CPEB3: variants seen among roughly 807,000 people sequenced by gnomAD.
CPEB3 encodes the protein cytoplasmic polyadenylation element binding protein 3.
CPEB3 carries 20 observed loss-of-function variants against 67.2 expected under a neutral mutation model. The ratio of observed to expected loss-of-function variants is 0.30; its 90% CI spans 0.21 to 0.43. The LOEUF is 0.43. Ranked by LOEUF, CPEB3 falls within the 20% of genes least tolerant of loss-of-function variation. The pLI, the probability that CPEB3 is intolerant of heterozygous loss-of-function variation, is 1.00. For synonymous variants in CPEB3, 376 were observed against 393.1 expected (o/e 0.96, Z 0.51); for missense variants, 746 against 968.6 (o/e 0.77, Z 3.05).
chr10:92,236,986 ACT>A (rs10587336), intron 2 of CPEB3, among the ~76,000 whole-genome samples: 16,252 of 152,208 alleles, frequency 0.11, 2,885 homozygotes, highest in African/African-American at 0.37. Context: ...TATAAAATAA[ACT>A]CTGATTTAAA....
At chr10:92,081,073 T>C (rs1035285686) in intron 9 of CPEB3, among the ~76,000 whole-genome samples, 2 of 152,232 alleles carry the variant, frequency 1.3e-5, no homozygotes, top group Middle Eastern at 3.2e-3. Context: ...TAGTTTGGTA[T>C]GCTAAATTTT....
At chr10:92,134,106 C>T (rs2133746252) in intron 6 of CPEB3, among the ~76,000 whole-genome samples, 1 of 152,274 alleles carries the variant, frequency 6.6e-6, no homozygotes, top group East Asian at 1.9e-4. Context: ...AAAACTGGCA[C>T]AAGACAAGAA....
At chr10:92,156,474 A>T (rs1302521043) in intron 4 of CPEB3, among the ~76,000 whole-genome samples, 3 of 152,128 alleles carry the variant, frequency 2.0e-5, no homozygotes, top group Non-Finnish European at 4.4e-5. Context: ...AATGAGAAGG[A>T]CAAGGCCTGA....
At chr10:92,282,373 C>T (rs550807158) in intron 1 of CPEB3, among the ~76,000 whole-genome samples, 36 of 152,254 alleles carry the variant, frequency 2.4e-4, no homozygotes, top group South Asian at 6.2e-4. Context: ...CTCTCTAGAA[C>T]TAAGAAACTA....
intron 6 of CPEB3, among the ~76,000 whole-genome samples, chr10:92,116,170 T>C (rs562383452): frequency 2.6e-5 from 4 of 151,236 alleles, no homozygotes; most frequent in Non-Finnish European, 5.9e-5. Flanking sequence ...TGTGTACTTA[T>C]GTTAATATTC....
chr10:92,264,537 A>G (rs760895334), intron 1 of CPEB3, among the ~76,000 whole-genome samples: 2 of 151,944 alleles, frequency 1.3e-5, no homozygotes, highest in Non-Finnish European at 2.9e-5. Flanking sequence ...TCCTTTGGTA[A>G]TCATGTTTTT....
At chr10:92,094,346 T>C (rs1590121352) in intron 7 of CPEB3, among the ~76,000 whole-genome samples, 1 of 150,482 alleles carries the variant, frequency 6.6e-6, no homozygotes, top group East Asian at 2.1e-4. Flanking sequence ...CTCAAGCCTA[T>C]AATCCCAGCA....
At chr10:92,095,609 T>A (rs1353442256) in intron 7 of CPEB3, among the ~76,000 whole-genome samples, 8 of 146,650 alleles carry the variant, frequency 5.5e-5, no homozygotes, top group Admixed American at 2.7e-4. Flanking sequence ...TATTTTTTTT[T>A]TTTCATTGTG....
chr10:92,115,876 T>A (rs1220184936), intron 6 of CPEB3, among the ~76,000 whole-genome samples: 5 of 152,246 alleles, frequency 3.3e-5, no homozygotes, highest in Admixed American at 1.3e-4. Flanking sequence ...AATCACTCAG[T>A]GATTTGGATT....
intron 5 of CPEB3, among the ~76,000 whole-genome samples, chr10:92,143,633 CA>C (rs1846543695): frequency 6.6e-6 from 1 of 152,218 alleles, no homozygotes; most frequent in Admixed American, 6.5e-5. Flanking sequence ...TTAATAACTA[CA>C]TATTACGTAC....
chr10:92,155,067 G>A (rs1847141163), intron 4 of CPEB3, among the ~76,000 whole-genome samples: 1 of 152,076 alleles, frequency 6.6e-6, no homozygotes, highest in Admixed American at 6.5e-5. Flanking sequence ...AAATTAGCCG[G>A]GTATGGCGGT....
chr10:92,221,212 G>A (rs1850682930), intron 2 of CPEB3, among the ~76,000 whole-genome samples: 1 of 152,208 alleles, frequency 6.6e-6, no homozygotes, highest in Non-Finnish European at 1.5e-5. Flanking sequence ...AAACTTTCAG[G>A]CCAGGTGTGG....
chr10:92,147,634 AAAT>A (rs1427874936), intron 4 of CPEB3, among the ~76,000 whole-genome samples: 1 of 152,164 alleles, frequency 6.6e-6, no homozygotes, highest in Non-Finnish European at 1.5e-5. Context: ...GCAAGTACAT[AAAT>A]AATTATAAAA....
chr10:92,076,092 G>A (rs1490525640), intron 9 of CPEB3: 2 of 152,192 alleles, frequency 1.3e-5, no homozygotes, highest in Non-Finnish European at 2.9e-5. Flanking sequence ...TAAGGGATAA[G>A]GGCTGCAAAC....
intron 9 of CPEB3, among the ~76,000 whole-genome samples, chr10:92,069,169 G>T (rs1842661532): frequency 6.6e-6 from 1 of 152,104 alleles, no homozygotes; most frequent in African/African-American, 2.4e-5. Context: ...CTGTTAGTAT[G>T]GTTCCTAATG....
chr10:92,239,903 T>A lies in CPEB3; in HGVS notation c.448A>T (p.Thr150Ser), dbSNP rs770152657. 1 of 1,612,172 alleles carries A rather than the reference T, an allele frequency of 6.2e-7. No individual in the cohort carries two copies. Among genetic ancestry groups the A allele is most frequent in the Non-Finnish European group, 8.5e-7 (1 of 1,179,276 alleles). The change falls in exon 2 of 10, where the codon ACT (threonine) becomes TCT (serine). Residue 150 changes from threonine to serine, a missense_variant. Around this residue, in one of 2 missense-constraint regions of CPEB3, gnomAD observed 643 missense variants for 717.5 expected, o/e 0.90. Transcript: ENST00000265997. The surrounding 1 kb of genome is among the most constrained non-coding windows in gnomAD (Gnocchi z 6.0). Reference sequence around the variant, plus strand: ...GCCAGGCCGATCTGCGGGGAGAAAGTGCCTCCGAAGACTGGGTTGACATGG... The same window carrying A: ...GCCAGGCCGATCTGCGGGGAGAAAGAGCCTCCGAAGACTGGGTTGACATGG... ...PHHVNPVFGGTFSPQIGLAQT... is the reference protein window; with the variant it reads ...PHHVNPVFGGSFSPQIGLAQT...
At chr10:92,159,293 T>G (rs180826219) in intron 4 of CPEB3, among the ~76,000 whole-genome samples, 5 of 150,974 alleles carry the variant, frequency 3.3e-5, no homozygotes, top group African/African-American at 4.9e-5. Flanking sequence ...TAAATAAAAC[T>G]GTGAAATGTC....
intron 4 of CPEB3, among the ~76,000 whole-genome samples, chr10:92,154,827 C>G (rs1847128183): frequency 6.6e-6 from 1 of 152,196 alleles, no homozygotes; most frequent in Admixed American, 6.5e-5. Context: ...CAACACTTAT[C>G]AGGAGAGGTG....
intron 7 of CPEB3, among the ~76,000 whole-genome samples, chr10:92,094,989 C>T (rs763335520): frequency 6.6e-6 from 1 of 152,110 alleles, no homozygotes; most frequent in Non-Finnish European, 1.5e-5. Context: ...AAAATGAAAA[C>T]TATTCTTGTG....
Sources: gnomAD v4.1 joint callset for allele counts (sites outside exome capture counted in the v4.1 genomes callset) on GRCh38, gnomAD v4.1.1 for gene constraint, gnomAD v4.1.1 regional missense constraint, Gnocchi (gnomAD v3.1) non-coding constraint, MANE v1.5 for transcripts, NCBI Gene and HGNC (gene_info 2026-07-23, HGNC 2026-07-21) for gene names.